The following ADGRV1 variants were observed in gnomAD, a reference collection of about 807,000 sequenced individuals.
The protein encoded by ADGRV1 is adhesion G protein-coupled receptor V1, also known as G-protein coupled receptor 98.
Under a neutral mutation model 596.2 loss-of-function variants are expected in ADGRV1, and 359 were observed. That is an observed-to-expected ratio of 0.60 (90% CI 0.55 to 0.66). The LOEUF (loss-of-function observed/expected upper bound fraction) is 0.66, where lower values mean the gene tolerates loss of function less well. Among genes scored for constraint, ADGRV1 ranks in the 30% least tolerant of loss-of-function variants. The pLI is 0.00. For missense variants in ADGRV1, 7,274 were observed against 7,575.6 expected, an observed-to-expected ratio of 0.96 and a Z score of 1.48; for synonymous variants, 2,681 against 2,679.2, an observed-to-expected ratio of 1.00 and a Z score of -0.02.
intron 83 of ADGRV1, among the ~76,000 whole-genome samples, chr5:90,915,924 T>C (rs1013210026): frequency 1.3e-5 from 2 of 152,232 alleles, no homozygotes; most frequent in African/African-American, 2.4e-5. Context: ...GTTCATACTT[T>C]CAAGCCCTTG....
In ADGRV1 at chr5:90,628,706, G is replaced by A. The variant is rs776214171; in HGVS notation, c.1383G>A (p.Gly461=). 2.5e-6 allele frequency: 4 copies of A among 1,613,878 alleles called. No homozygotes were observed. Among genetic ancestry groups the A allele is most frequent in the Middle Eastern group, 3.3e-4 (2 of 6,084 alleles). The stretch of plus-strand genomic sequence containing the variant: ...CTGGAGTTCTCCATTTTGCACAAGG[G>A]CAGATGTTGGCAACAATTCCTCTTA... ...PSSGVLHFAQ[G]QMLATIPLTV... Residue 461 remains glycine, a synonymous_variant, in exon 8 of 90, where the codon GGG becomes GGA. Transcript: ENST00000405460.
chr5:90,764,532 G>A (rs1171935029), intron 59 of ADGRV1, among the ~76,000 whole-genome samples: 2 of 152,188 alleles, frequency 1.3e-5, no homozygotes, highest in Non-Finnish European at 2.9e-5. Flanking sequence ...CCCTCTCTAC[G>A]ACTGTCCCTA....
rs555203751 is a variant in ADGRV1 at position 91,144,841 on chromosome 5, G to A, written c.18433-5189G>A. ...TAGGAGCCAAATATTTTATCCTTAC[G>A]TCTCAGTGCTTGCCAATGCACGTAG... On this transcript the variant is annotated intron_variant, in intron 87 of 89. Transcript: ENST00000405460. Among the ~76,000 whole-genome samples the A allele has an allele frequency of 1.2e-3, 189 of 152,294 alleles. 1 individual carries two copies. The highest frequency in any genetic ancestry group is 4.4e-3 in the African/African-American group (181 of 41,558).
At chr5:90,885,715 G>A (rs1770215463) in intron 83 of ADGRV1, among the ~76,000 whole-genome samples, 1 of 152,148 alleles carries the variant, frequency 6.6e-6, no homozygotes, top group Non-Finnish European at 1.5e-5. Context: ...AGGAGTGCCA[G>A]GAGAGGGGTT....
intron 5 of ADGRV1, among the ~76,000 whole-genome samples, chr5:90,623,286 A>C (rs1317264392): frequency 1.3e-5 from 2 of 152,242 alleles, no homozygotes; most frequent in Non-Finnish European, 2.9e-5. Context: ...TAGAATAATA[A>C]TGTTAATTCT....
At chr5:90,898,949 A>AAAAAT (rs902950097) in intron 83 of ADGRV1, among the ~76,000 whole-genome samples, 7 of 152,050 alleles carry the variant, frequency 4.6e-5, no homozygotes, top group East Asian at 1.9e-4. Flanking sequence ...CTGTCTCTAA[A>AAAAAT]AAAATAAAAT....
At chr5:90,992,729 A>C (rs1433883946) in intron 85 of ADGRV1, among the ~76,000 whole-genome samples, 1 of 152,220 alleles carries the variant, frequency 6.6e-6, no homozygotes, top group Non-Finnish European at 1.5e-5. Context: ...TATTTTCCAC[A>C]TGATACTCCT....
chr5:91,018,970 G>C (rs886701833), intron 85 of ADGRV1, among the ~76,000 whole-genome samples: 1 of 151,910 alleles, frequency 6.6e-6, no homozygotes, highest in African/African-American at 2.4e-5. Context: ...CCTCAGGGTG[G>C]CAACATAATG....
intron 47 of ADGRV1, 77 bp from the exon 48 acceptor site, chr5:90,725,472 C>G (rs1013054322): frequency 2.4e-6 from 2 of 828,720 alleles, no homozygotes; most frequent in Non-Finnish European, 4.0e-6. Flanking sequence ...CAGATTTTAA[C>G]TCATGCTATT....
chr5:90,896,846 T>C (rs1771370919), intron 83 of ADGRV1, among the ~76,000 whole-genome samples: 1 of 152,208 alleles, frequency 6.6e-6, no homozygotes, highest in Non-Finnish European at 1.5e-5. Context: ...GAACTCCTTG[T>C]GCCTGCACCA....
intron 1 of ADGRV1, among the ~76,000 whole-genome samples, chr5:90,582,553 C>T (rs1162076691): frequency 6.6e-6 from 1 of 152,066 alleles, no homozygotes; most frequent in East Asian, 1.9e-4. Context: ...AAATCCTACT[C>T]CACTCTTTTA....
chr5:90,698,956 A>G (rs558163574), intron 34 of ADGRV1, among the ~76,000 whole-genome samples: 1 of 152,282 alleles, frequency 6.6e-6, no homozygotes, highest in Admixed American at 6.5e-5. Context: ...TGGGCCAAAT[A>G]AAACAGTGGC....
chr5:91,150,009 C>CTTTTTTTTTTT, intron 87 of ADGRV1, 21 bp from the exon 88 acceptor site: 3 of 1,288,696 alleles, frequency 2.3e-6, no homozygotes, highest in Admixed American at 2.7e-5. Context: ...CTTTTCTTTT[C>CTTTTTTTTTTT]TTTTTTTTTT....
chr5:91,087,510 C>T (rs1179476628), intron 86 of ADGRV1, among the ~76,000 whole-genome samples: 1 of 151,692 alleles, frequency 6.6e-6, no homozygotes, highest in Non-Finnish European at 1.5e-5. Context: ...CCATGTTGAC[C>T]AGGCTGGTCT....
intron 1 of ADGRV1, among the ~76,000 whole-genome samples, chr5:90,603,933 C>CTCA (rs1319886099): frequency 1.4e-4 from 21 of 145,434 alleles, no homozygotes; most frequent in African/African-American, 3.7e-4. Context: ...CACATGCACG[C>CTCA]TCACCACCTT....
Position 90,675,161 on chromosome 5 carries a change from AT to A in ADGRV1, c.5111-80del, listed in dbSNP as rs752294624. The A allele has an allele frequency of 1.0e-4, 123 of 1,215,620 alleles. 1 individual carries two copies. The highest frequency in any genetic ancestry group is 8.7e-4 in the Middle Eastern group (3 of 3,442). The allele number at this position is 1,215,620 out of a possible 1,614,324, so 75.3% of individuals were successfully genotyped here. A position where few individuals can be genotyped will look rare whatever the true frequency, so the allele number is the denominator to read the frequency against. On this transcript the variant is annotated intron_variant, in intron 23 of 89. Transcript: ENST00000405460. ...GAATTTTGGCCTGGTGATCAAAATA[AT>A]TGTGTAAGATCGCTTTAATTGAATA... is the stretch of plus-strand genomic sequence containing the variant.
chr5:91,042,953 G>A (rs1785491310), intron 85 of ADGRV1, among the ~76,000 whole-genome samples: 1 of 151,870 alleles, frequency 6.6e-6, no homozygotes, highest in Non-Finnish European at 1.5e-5. Flanking sequence ...CTTCACAAGA[G>A]AACAAACAAG....
chr5:91,129,936 T>C lies in ADGRV1; in HGVS notation c.18433-20094T>C, dbSNP rs138488254. Among the ~76,000 whole-genome samples the C allele has an allele frequency of 1.2e-4, 19 of 152,170 alleles. No individual in the cohort carries two copies. The East Asian group carries it at 3.5e-3, about 28-fold the overall frequency. On this transcript the variant is annotated intron_variant, in intron 87 of 89. Coordinates refer to ENST00000405460, the MANE Select transcript of ADGRV1 (RefSeq NM_032119.4). Reference sequence around the variant, plus strand: ...CCTTCTTATGTAGTCATAATTGTAATAAGAAAAGAAAAAAATTTTTAAGAA... The same window carrying C: ...CCTTCTTATGTAGTCATAATTGTAACAAGAAAAGAAAAAAATTTTTAAGAA...
At chr5:91,018,823 T>C (rs1783390787) in intron 85 of ADGRV1, among the ~76,000 whole-genome samples, 1 of 151,924 alleles carries the variant, frequency 6.6e-6, no homozygotes, top group Non-Finnish European at 1.5e-5. Context: ...CCTTAAAGCT[T>C]AAGTAAGTTG....
Sources: gnomAD v4.1 joint callset for allele counts (sites outside exome capture counted in the v4.1 genomes callset) on GRCh38, gnomAD v4.1.1 for gene constraint, MANE v1.5 for transcripts, NCBI Gene and HGNC (gene_info 2026-07-23, HGNC 2026-07-21) for gene names.